PCDH15: variants seen among roughly 807,000 people sequenced by gnomAD.
PCDH15 encodes the protein protocadherin related 15.
A neutral mutation model predicts 178.5 loss-of-function variants in PCDH15; 129 were observed. The ratio of observed to expected loss-of-function variants is 0.72; its 90% confidence interval spans 0.63 to 0.84. PCDH15 has a LOEUF of 0.84. PCDH15 is among the 40% of genes least tolerant of loss of function. The pLI, the probability that PCDH15 is intolerant of heterozygous loss-of-function variation, is 0.00. For synonymous variants in PCDH15, 800 were observed against 732.0 expected, an observed-to-expected ratio of 1.09 and a Z score of -1.50; for missense variants, 2,230 against 2,099.9, an observed-to-expected ratio of 1.06 and a Z score of -1.21.
intron 18 of PCDH15, among the ~76,000 whole-genome samples, chr10:54,043,411 G>C (rs527331603): frequency 1.3e-5 from 2 of 149,346 alleles, no homozygotes; most frequent in African/African-American, 2.5e-5. Flanking sequence ...CTTTTTTTTC[G>C]AGACAGGGTC....
intron 1 of PCDH15, among the ~76,000 whole-genome samples, chr10:55,236,808 T>G (rs1309057267): frequency 6.6e-6 from 1 of 151,952 alleles, no homozygotes; most frequent in African/African-American, 2.4e-5. Context: ...TAAATCATAG[T>G]GCATTACTAT....
chr10:55,559,339 T>G (rs1176853160), intron 2 of PCDH15, among the ~76,000 whole-genome samples: 1 of 151,802 alleles, frequency 6.6e-6, no homozygotes, highest in African/African-American at 2.4e-5. Flanking sequence ...ACAACTTTTG[T>G]TACATTAATA....
intron 1 of PCDH15, among the ~76,000 whole-genome samples, chr10:54,741,054 A>T (rs768283580): frequency 7.9e-5 from 12 of 151,954 alleles, no homozygotes; most frequent in Non-Finnish European, 1.6e-4. Flanking sequence ...AATGTGTAAG[A>T]TGATAGCTAC....
rs144598879 is a variant in PCDH15 at position 54,628,977 on chromosome 10, T to TACAC, written c.91+35191_91+35194dup. Among the ~76,000 whole-genome samples, 1,233 of 151,780 alleles carry TACAC rather than the reference T, an allele frequency of 8.1e-3. 20 individuals are homozygous for TACAC. The highest frequency in any genetic ancestry group is 0.028 in the African/African-American group (1,171 of 41,410). On this transcript the variant is annotated intron_variant, in intron 2 of 37. Transcript: ENST00000644397. ...AAAGAGAAGCTCAAACAGGAAAGAA[T>TACAC]ACACACACACACACAATTTTTTTGG... is the stretch of plus-strand genomic sequence containing the variant.
chr10:54,877,957 T>TGAAACGGAGTCTCGCTC (rs1954180294), intron 3 of PCDH15, among the ~76,000 whole-genome samples: 1 of 14,302 alleles, frequency 7.0e-5, no homozygotes, highest in Non-Finnish European at 1.5e-4. Flanking sequence ...TTTTTTTTTT[T>TGAAACGGAGTCTCGCTC]TTTTTTTTTT....
At chr10:54,159,057 C>T (rs1342046237) in intron 13 of PCDH15, among the ~76,000 whole-genome samples, 6 of 148,334 alleles carry the variant, frequency 4.0e-5, no homozygotes, top group South Asian at 2.1e-4. Context: ...TGCAGTGAGC[C>T]GAGATTGTGC....
intron 2 of PCDH15, among the ~76,000 whole-genome samples, chr10:54,548,926 G>C (rs1438514588): frequency 6.7e-6 from 1 of 149,612 alleles, no homozygotes; most frequent in Non-Finnish European, 1.5e-5. Flanking sequence ...GTCAGATGTC[G>C]CTATGTATAG....
At chr10:54,305,719 C>G (rs979459633) in intron 8 of PCDH15, among the ~76,000 whole-genome samples, 2 of 151,784 alleles carry the variant, frequency 1.3e-5, no homozygotes, top group Admixed American at 1.3e-4. Context: ...TTGAGGGAAC[C>G]TATTACAGAC....
intron 2 of PCDH15, among the ~76,000 whole-genome samples, chr10:54,984,938 A>G (rs1201296334): frequency 1.3e-5 from 2 of 152,152 alleles, no homozygotes; most frequent in African/African-American, 4.8e-5. Context: ...TTGATTAAGT[A>G]ATTTTGTAAG....
At chr10:55,152,645 G>A (rs996763175) in intron 2 of PCDH15, among the ~76,000 whole-genome samples, 2 of 152,112 alleles carry the variant, frequency 1.3e-5, no homozygotes. Flanking sequence ...GGGATTATTG[G>A]ACATGATTCT....
At chr10:54,375,677 T>C (rs2134918622) in intron 4 of PCDH15, among the ~76,000 whole-genome samples, 1 of 151,160 alleles carries the variant, frequency 6.6e-6, no homozygotes, top group Admixed American at 6.6e-5. Context: ...GGGTTAAAGT[T>C]AATTATAGGC....
At chr10:55,179,494 T>C (rs200067018) in intron 1 of PCDH15, among the ~76,000 whole-genome samples, 3 of 151,966 alleles carry the variant, frequency 2.0e-5, no homozygotes, top group African/African-American at 2.4e-5. Context: ...TTCTCGATGA[T>C]ACCTTTTAAC....
intron 15 of PCDH15, among the ~76,000 whole-genome samples, chr10:54,132,464 T>G (rs993586062): frequency 6.6e-6 from 1 of 152,108 alleles, no homozygotes; most frequent in African/African-American, 2.4e-5. Context: ...CCATCAGCCT[T>G]TGAGTACAAA....
intron 29 of PCDH15, among the ~76,000 whole-genome samples, chr10:53,835,830 G>T (rs1458820070): frequency 1.3e-5 from 2 of 152,172 alleles, no homozygotes; most frequent in Non-Finnish European, 2.9e-5. Context: ...AACACAAGGG[G>T]AGTCTCCCCT....
chr10:54,784,201 T>C lies in PCDH15; in HGVS notation c.-29+16724A>G, dbSNP rs1950625770. Among the ~76,000 whole-genome samples the C allele has an allele frequency of 2.6e-5, 4 of 152,000 alleles. No individual in the cohort carries two copies. In the South Asian group the frequency reaches 8.3e-4, roughly 32 times the overall value. ...TGAGGGTTACAGTTCAAGATTAGAT[T>C]TGGTTGAGGACACACGGCCTAACCA... On this transcript the variant is annotated intron_variant, in intron 1 of 37. Coordinates refer to ENST00000644397, the MANE Select transcript of PCDH15 (RefSeq NM_001384140.1).
Position 54,659,533 on chromosome 10 carries a change from A to C in PCDH15, c.91+4639T>G, listed in dbSNP as rs571278002. Among the ~76,000 whole-genome samples the C allele has an allele frequency of 9.9e-5, 15 of 152,188 alleles. No individual in the cohort carries two copies. The East Asian group carries it at 2.5e-3, about 26-fold the overall frequency. ...TTTGGGAGGCTGAGGTGGGTGGATC[A>C]TTTGAGGTCAGGAGTTCAAGACCCA... On this transcript the variant is annotated intron_variant, in intron 2 of 37. Transcript: ENST00000644397.
intron 14 of PCDH15, among the ~76,000 whole-genome samples, chr10:54,136,398 A>ACT (rs2042903127): frequency 6.9e-6 from 1 of 145,716 alleles, no homozygotes; most frequent in South Asian, 2.2e-4. Context: ...ACTGTTTAAC[A>ACT]TTTTTTTTTT....
intron 18 of PCDH15, among the ~76,000 whole-genome samples, chr10:54,053,158 A>C (rs1432784716): frequency 6.6e-6 from 1 of 152,190 alleles, no homozygotes; most frequent in African/African-American, 2.4e-5. Context: ...AAAAGTGGAC[A>C]TATATCCAAT....
At chr10:53,985,611 G>A (rs567548550) in intron 21 of PCDH15, among the ~76,000 whole-genome samples, 1 of 151,992 alleles carries the variant, frequency 6.6e-6, no homozygotes, top group Non-Finnish European at 1.5e-5. Flanking sequence ...AGAATACTTG[G>A]GTCCAGTCCT....
Sources: gnomAD v4.1 joint callset for allele counts (sites outside exome capture counted in the v4.1 genomes callset) on GRCh38, gnomAD v4.1.1 for gene constraint, MANE v1.5 for transcripts, NCBI Gene and HGNC (gene_info 2026-07-23, HGNC 2026-07-21) for gene names.